The following ZFHX4 variants were observed in gnomAD, a reference collection of about 807,000 sequenced individuals.
ZFHX4 encodes the protein zinc finger homeobox 4.
Under a neutral mutation model 267.6 loss-of-function variants are expected in ZFHX4, and 56 were observed. The ratio of observed to expected loss-of-function variants is 0.21; its 90% CI spans 0.17 to 0.26. The LOEUF is 0.26. Ranked by LOEUF, ZFHX4 falls within the 10% of genes least tolerant of loss-of-function variation. The pLI is 1.00. For synonymous variants in ZFHX4, 1,778 were observed against 1,665.6 expected, an observed-to-expected ratio of 1.07 and a Z score of -1.64; for missense variants, 4,332 against 4,420.0, an observed-to-expected ratio of 0.98 and a Z score of 0.56.
At position 76,689,804 on chromosome 8, in the gene ZFHX4, A is replaced by T. The variant is rs1266672491; in HGVS notation, c.-47+8184A>T. On this transcript the variant is annotated intron_variant, in intron 1 of 10. Transcript: ENST00000651372. ...TCAAATATTTGCCACTTTAAGGCATATTTGAGTTTATGCACTGGACTTAAA... is the reference window on the plus strand; with the variant it reads ...TCAAATATTTGCCACTTTAAGGCATTTTTGAGTTTATGCACTGGACTTAAA... Among the ~76,000 whole-genome samples the T allele has an allele frequency of 4.6e-5, 7 of 152,140 alleles. No individual in the cohort carries two copies. The East Asian group carries it at 1.3e-3, about 29-fold the overall frequency.
rs113054631 is a variant in ZFHX4, at chr8:76,735,574, A to G, written c.3093+27526A>G. ...ATCCAGGAAATGGTTTTAAAACTGT[A>G]AAGAAAGTCTTCTGTTTTATAACAC... On this transcript the variant is annotated intron_variant, in intron 3 of 10. Coordinates refer to ENST00000651372, the MANE Select transcript of ZFHX4 (RefSeq NM_024721.5). Among the ~76,000 whole-genome samples, 272 of 152,282 alleles carry G rather than the reference A, an allele frequency of 1.8e-3. 1 individual carries two copies. Among genetic ancestry groups the G allele is most frequent in the Admixed American group, 4.1e-3 (63 of 15,276 alleles).
intron 3 of ZFHX4, among the ~76,000 whole-genome samples, chr8:76,740,168 T>C (rs185493363): frequency 6.6e-6 from 1 of 152,138 alleles, no homozygotes; most frequent in Non-Finnish European, 1.5e-5. Context: ...GAGAGTCTTG[T>C]GTAAGGTTCA....
intron 5 of ZFHX4, among the ~76,000 whole-genome samples, chr8:76,839,521 G>T (rs1812180950): frequency 6.6e-6 from 1 of 152,098 alleles, no homozygotes; most frequent in Non-Finnish European, 1.5e-5. Flanking sequence ...TAGAAATATT[G>T]TATTTTCTGT....
intron 1 of ZFHX4, among the ~76,000 whole-genome samples, chr8:76,702,876 A>T (rs932241616): frequency 1.3e-5 from 2 of 152,112 alleles, no homozygotes; most frequent in Non-Finnish European, 2.9e-5. Context: ...CAGTGCCATC[A>T]TTCTGCAAAC....
chr8:76,846,647 G>C (rs1424959212), intron 6 of ZFHX4, among the ~76,000 whole-genome samples: 1 of 151,792 alleles, frequency 6.6e-6, no homozygotes, highest in Admixed American at 6.6e-5. Context: ...TAATATACAT[G>C]GTATTAATTA....
chr8:76,845,107 A>G (rs1463020665), intron 6 of ZFHX4, among the ~76,000 whole-genome samples: 1 of 152,132 alleles, frequency 6.6e-6, no homozygotes. Context: ...AGGAATTAAC[A>G]TATGTTAGGA....
chr8:76,852,599 C>T lies in ZFHX4; in HGVS notation c.5678C>T (p.Pro1893Leu), dbSNP rs776909121. 5 of 1,611,970 alleles carry T rather than the reference C, an allele frequency of 3.1e-6. No individual in the cohort carries two copies. In the African/African-American group the frequency reaches 6.7e-5, roughly 22 times the overall value. The change falls in exon 10 of 11, where the codon CCA becomes CTA. Residue 1893 changes from proline to leucine, a missense_variant. By Grantham distance (98) the Pro-to-Leu change is moderately conservative. Transcript: ENST00000651372. ...ACAAAGAAGCAAAAATCCTTGGAACCATCCATCCCACCACCCCGAATAGCT... is the reference window on the plus strand; with the variant it reads ...ACAAAGAAGCAAAAATCCTTGGAACTATCCATCCCACCACCCCGAATAGCT... Reference protein sequence around the residue: ...KDTKKQKSLEPSIPPPRIASG... With the variant: ...KDTKKQKSLELSIPPPRIASG...
rs1247185562 is a variant in ZFHX4 at position 76,705,252 on chromosome 8, C to A, written c.1164C>A (p.Thr388=). Reference sequence around the variant, plus strand: ...CCTTCTTAAAAGGAAGCGCGAGCACCTCGAGCTCAGCAGAGCAGCCGCTGG... The same window carrying A: ...CCTTCTTAAAAGGAAGCGCGAGCACATCGAGCTCAGCAGAGCAGCCGCTGG... ...GFAFLKGSAS[T]SSSAEQPLGI... is the part of the protein sequence containing the mutation. Residue 388 remains threonine (T), a synonymous_variant, in exon 2 of 11, where the codon ACC becomes ACA. Coordinates refer to ENST00000651372, the MANE Select transcript of ZFHX4 (RefSeq NM_024721.5). 6.2e-7 allele frequency: 1 copy of A among 1,613,988 alleles called. No homozygotes were observed.
intron 1 of ZFHX4, among the ~76,000 whole-genome samples, chr8:76,696,059 A>G (rs1424502585): frequency 1.3e-5 from 2 of 152,158 alleles, no homozygotes. Flanking sequence ...GTCCTAATAG[A>G]TACACCAGTC....
chr8:76,708,193 T>C (rs1168751636), intron 3 of ZFHX4, 145 bp downstream of exon 3: 2 of 986,668 alleles, frequency 2.0e-6, no homozygotes, highest in Non-Finnish European at 3.0e-6. Flanking sequence ...ATTAACATTA[T>C]AAAAACATAT....
At chr8:76,863,073 T>C (rs1330410347) in intron 10 of ZFHX4, 21 bp from the exon 11 acceptor site, 2 of 1,487,144 alleles carry the variant, frequency 1.3e-6, no homozygotes, top group East Asian at 2.5e-5. Flanking sequence ...ACAGTGGCCA[T>C]CTCTCTGTTG....
chr8:76,727,278 AT>A (rs947963534), intron 3 of ZFHX4, among the ~76,000 whole-genome samples: 37 of 149,636 alleles, frequency 2.5e-4, no homozygotes, highest in Non-Finnish European at 2.5e-4. Flanking sequence ...CCGCAGCCAC[AT>A]TTTTTTTTTC....
In ZFHX4 at chr8:76,864,892, C is replaced by G. The variant is rs919872721; in HGVS notation, c.*327C>G. 5.5e-6 allele frequency: 1 copy of G among 182,928 alleles called. No individual in the cohort carries two copies. The allele number at this position is 182,928 out of a possible 1,614,324, so 11.3% of individuals were successfully genotyped here. A position where few individuals can be genotyped will look rare whatever the true frequency, so the allele number is the denominator to read the frequency against. ...CCTCAGCTGGATTGATTTCCAAATG[C>G]TAGCATGTACTGTATGGGAGGATGA... On this transcript the variant is annotated 3_prime_UTR_variant, in exon 11 of 11. Transcript: ENST00000651372.
chr8:76,725,003 G>T (rs893451082), intron 3 of ZFHX4, among the ~76,000 whole-genome samples: 4 of 150,796 alleles, frequency 2.7e-5, no homozygotes, highest in Admixed American at 1.3e-4. Flanking sequence ...GTGTGTACAG[G>T]TATATGGGGG....
At chr8:76,801,049 A>T (rs1264528131) in intron 4 of ZFHX4, among the ~76,000 whole-genome samples, 2 of 152,160 alleles carry the variant, frequency 1.3e-5, no homozygotes, top group African/African-American at 4.8e-5. Context: ...CCTCATTTGA[A>T]AGCAGTTTCC....
chr8:76,704,941 T>G lies in ZFHX4; in HGVS notation c.853T>G (p.Leu285Val). 6.2e-7 allele frequency: 1 copy of G among 1,614,032 alleles called. No individual in the cohort carries two copies. Among genetic ancestry groups the G allele is most frequent in the Non-Finnish European group, 8.5e-7 (1 of 1,179,906 alleles). The change falls in exon 2 of 11, where the codon TTG becomes GTG. Residue 285 changes from leucine (L) to valine (V), a missense_variant. Leu to Val is a conservative substitution (Grantham distance 32). This residue lies in a region of ZFHX4 where 1,195 missense variants were observed against 1,173.6 expected (regional missense o/e 1.02). Coordinates refer to ENST00000651372, the MANE Select transcript of ZFHX4 (RefSeq NM_024721.5). ...KPVLMCFLCK[L>V]SFGYIRSFVT... Reference sequence around the variant, plus strand: ...TGTTTTAATGTGTTTCTTGTGCAAGTTGTCTTTTGGTTATATCAGGTCATT... The same window carrying G: ...TGTTTTAATGTGTTTCTTGTGCAAGGTGTCTTTTGGTTATATCAGGTCATT...
intron 4 of ZFHX4, among the ~76,000 whole-genome samples, chr8:76,786,250 T>A (rs1281916623): frequency 1.3e-5 from 2 of 151,866 alleles, no homozygotes; most frequent in East Asian, 3.9e-4. Context: ...TCCATGATAA[T>A]CCCCTGCTAT....
At chr8:76,808,886 G>C (rs1053389139) in intron 4 of ZFHX4, among the ~76,000 whole-genome samples, 2 of 150,350 alleles carry the variant, frequency 1.3e-5, no homozygotes, top group South Asian at 2.1e-4. Flanking sequence ...ATCTTTCTCT[G>C]TCTCTGTCTC....
At chr8:76,780,167 A>G (rs1324044286) in intron 4 of ZFHX4, among the ~76,000 whole-genome samples, 2 of 152,124 alleles carry the variant, frequency 1.3e-5, no homozygotes. Context: ...GCCAACCTTT[A>G]CTTATAGCAC....
Sources: gnomAD v4.1 joint callset for allele counts (sites outside exome capture counted in the v4.1 genomes callset) on GRCh38, gnomAD v4.1.1 for gene constraint, gnomAD v4.1.1 regional missense constraint, MANE v1.5 for transcripts, NCBI Gene and HGNC (gene_info 2026-07-23, HGNC 2026-07-21) for gene names.